Variants in VAC14 observed in about 807,000 individuals in gnomAD.
The protein encoded by VAC14 is protein VAC14 homolog.
In VAC14, 47 loss-of-function variants were observed where a neutral mutation model predicts 85.3. The ratio of observed to expected loss-of-function variants is 0.55; its 90% CI spans 0.44 to 0.70. The LOEUF (loss-of-function observed/expected upper bound fraction) is 0.70, where lower values mean the gene tolerates loss of function less well. Among genes scored for constraint, VAC14 ranks in the 30% least tolerant of loss-of-function variants. VAC14 has a pLI of 0.00. For missense variants in VAC14, 861 were observed against 1,004.3 expected, an observed-to-expected ratio of 0.86 and a Z score of 1.93; for synonymous variants, 447 against 430.5, an observed-to-expected ratio of 1.04 and a Z score of -0.47.
intron 13 of VAC14, among the ~76,000 whole-genome samples, chr16:70,736,241 A>T (rs1410397313): frequency 1.3e-5 from 2 of 152,194 alleles, no homozygotes; most frequent in African/African-American, 4.8e-5. Flanking sequence ...AGATAAAAAC[A>T]TGTAATGTGC....
chr16:70,733,353 A>C (rs779957832), intron 13 of VAC14, among the ~76,000 whole-genome samples: 49 of 152,186 alleles, frequency 3.2e-4, no homozygotes, highest in Non-Finnish European at 5.7e-4. Flanking sequence ...AAAATATGGA[A>C]TACGGCTATT....
In VAC14 at chr16:70,692,907, C is replaced by T. The variant is rs567477788; in HGVS notation, c.2100G>A (p.Leu700=). Residue 700 remains leucine (L), a synonymous_variant, in exon 18 of 19, where the codon CTG becomes CTA. Coordinates refer to ENST00000261776, the MANE Select transcript of VAC14 (RefSeq NM_018052.5). The part of the protein sequence containing the change: ...NPYLIKALYG[L]LMLLPQSSAF... ...CGCTGCTCTGCGGCAGGAGCATGAG[C>T]AGGCCGTAGAGGGCCTTGATCAGGT... 3 of 1,609,974 alleles carry T rather than the reference C, an allele frequency of 1.9e-6. No individual in the cohort carries two copies. The Admixed American group carries it at 5.0e-5, about 27-fold the overall frequency.
intron 14 of VAC14, among the ~76,000 whole-genome samples, chr16:70,721,506 TC>T (rs1454164238): frequency 1.3e-5 from 2 of 151,826 alleles, no homozygotes; most frequent in East Asian, 1.9e-4. Context: ...TGGCGTCACA[TC>T]AGGAGAGGTC....
At chr16:70,753,322 C>G (rs2031553734) in intron 12 of VAC14, among the ~76,000 whole-genome samples, 1 of 152,112 alleles carries the variant, frequency 6.6e-6, no homozygotes, top group Non-Finnish European at 1.5e-5. Context: ...CTGGGCTCAC[C>G]CAGGCTCACC....
intron 16 of VAC14, chr16:70,695,965 C>T (rs940114668): frequency 4.4e-5 from 9 of 205,086 alleles, no homozygotes; most frequent in South Asian, 1.3e-4. Context: ...AGCAAGCTTG[C>T]GGCACTGGGC....
chr16:70,744,323 G>C (rs2143011962), intron 13 of VAC14, 100 bp downstream of exon 13: 1 of 1,500,484 alleles, frequency 6.7e-7, no homozygotes. Context: ...CAGAGCTCCA[G>C]AGCTCCTGAG....
chr16:70,791,684 C>G (rs1032498955), intron 1 of VAC14, among the ~76,000 whole-genome samples: 11 of 152,188 alleles, frequency 7.2e-5, no homozygotes, highest in Admixed American at 1.3e-4. Flanking sequence ...CATGCCTGGA[C>G]CCTCCACAAC....
Position 70,793,805 on chromosome 16 carries a change from T to C in VAC14, c.104+6992A>G, listed in dbSNP as rs143895100. Among the ~76,000 whole-genome samples the C allele has an allele frequency of 5.3e-5, 8 of 152,352 alleles. No homozygotes were observed. In the East Asian group the frequency reaches 1.5e-3, roughly 29 times the overall value. Reference sequence around the variant, plus strand: ...GTGCTCTGTACTGCACATGCTCAAATAACAGTATTAGTGCAAAGTCAGAAT... The same window carrying C: ...GTGCTCTGTACTGCACATGCTCAAACAACAGTATTAGTGCAAAGTCAGAAT... On this transcript the variant is annotated intron_variant, in intron 1 of 18. Transcript: ENST00000261776.
At chr16:70,733,069 C>T (rs1017221968) in intron 13 of VAC14, among the ~76,000 whole-genome samples, 1 of 152,228 alleles carries the variant, frequency 6.6e-6, no homozygotes, top group Non-Finnish European at 1.5e-5. Context: ...AGTTGTGCAG[C>T]CATCACCACT....
At chr16:70,772,862 G>A (rs1196020018) in intron 9 of VAC14, 2 of 152,254 alleles carry the variant, frequency 1.3e-5, no homozygotes, top group East Asian at 1.9e-4. Flanking sequence ...TAAATGAGGT[G>A]TGGTATAGCC....
chr16:70,799,587 C>A (rs900662099), intron 1 of VAC14, among the ~76,000 whole-genome samples: 4 of 152,204 alleles, frequency 2.6e-5, no homozygotes, highest in Admixed American at 6.5e-5. Context: ...TTGATTGTTA[C>A]AACGGATGGA....
At chr16:70,688,775 G>GCCTT (rs2053545496) in intron 18 of VAC14, 13 of 985,468 alleles carry the variant, frequency 1.3e-5, no homozygotes, top group Non-Finnish European at 1.6e-5. Context: ...CAATGCGGTA[G>GCCTT]CCTTGCTGTC....
chr16:70,733,455 T>C (rs1269089170), intron 13 of VAC14, among the ~76,000 whole-genome samples: 2 of 152,106 alleles, frequency 1.3e-5, no homozygotes, highest in African/African-American at 4.8e-5. Flanking sequence ...AGTTTGATTA[T>C]TTGTCCCCAC....
chr16:70,766,511 G>T (rs1231128598), intron 10 of VAC14: 1 of 456,770 alleles, frequency 2.2e-6, no homozygotes, highest in South Asian at 1.5e-5. Context: ...CGGTCCTGCC[G>T]CACTCAACCC....
At chr16:70,696,981 A>G in intron 16 of VAC14, 158 bp downstream of exon 16, 1 of 609,270 alleles carries the variant, frequency 1.6e-6, no homozygotes, top group Non-Finnish European at 3.0e-6. Flanking sequence ...CTCCCCTCCC[A>G]GTGTCCTGGC....
At chr16:70,712,630 C>G (rs2054059138) in intron 14 of VAC14, among the ~76,000 whole-genome samples, 1 of 152,156 alleles carries the variant, frequency 6.6e-6, no homozygotes, top group South Asian at 2.1e-4. Flanking sequence ...AAACCAGCAC[C>G]AGACCGAGCC....
chr16:70,760,962 G>GGGGTGTGTGTGTGTGTGT (rs1402592187), intron 12 of VAC14, among the ~76,000 whole-genome samples: 2 of 47,604 alleles, frequency 4.2e-5, no homozygotes, highest in Admixed American at 5.2e-4. Flanking sequence ...ACGAAGAGAG[G>GGGGTGTGTGTGTGTGTGT]GTGTGTGTGT....
intron 18 of VAC14, chr16:70,688,514 G>A (rs933429992): frequency 1.0e-6 from 1 of 987,476 alleles, no homozygotes; most frequent in Non-Finnish European, 1.2e-6. Context: ...GGCAGGGCTA[G>A]GACTGGGGAA....
rs1024129772 is a variant in VAC14 at position 70,784,279 on chromosome 16, C to T, written c.487-59G>A. 2.8e-6 allele frequency: 4 copies of T among 1,432,156 alleles called. No homozygotes were observed. The African/African-American group carries it at 5.6e-5, about 20-fold the overall frequency. 88.7% of individuals were successfully genotyped at this position (1,432,156 alleles called of 1,614,324 possible). Reference sequence around the variant, plus strand: ...CCGAGACCAGGGCTGCCTGACCTCGCTGAATCACTTGCCCAGGGCTGGCTC... The same window carrying T: ...CCGAGACCAGGGCTGCCTGACCTCGTTGAATCACTTGCCCAGGGCTGGCTC... On this transcript the variant is annotated intron_variant, in intron 4 of 18. Coordinates refer to ENST00000261776, the MANE Select transcript of VAC14 (RefSeq NM_018052.5).
Sources: gnomAD v4.1 joint callset for allele counts (sites outside exome capture counted in the v4.1 genomes callset) on GRCh38, gnomAD v4.1.1 for gene constraint, MANE v1.5 for transcripts, NCBI Gene and HGNC (gene_info 2026-07-23, HGNC 2026-07-21) for gene names.